Variants in SEC31A observed in about 807,000 individuals in gnomAD.
The protein encoded by SEC31A is SEC31 homolog A, COPII component.
SEC31A carries 70 observed loss-of-function variants against 151.0 expected under a neutral mutation model. The ratio of observed to expected loss-of-function variants is 0.46; its 90% CI spans 0.38 to 0.57. The LOEUF (loss-of-function observed/expected upper bound fraction) is 0.57, where lower values mean the gene tolerates loss of function less well. Ranked by LOEUF, SEC31A falls within the 20% of genes least tolerant of loss-of-function variation. The probability of loss-of-function intolerance (pLI) is 0.00; values close to 1 mark genes in which losing one functional copy is unlikely to be tolerated. For missense variants in SEC31A, 1,330 were observed against 1,471.2 expected (o/e 0.90, Z 1.57); for synonymous variants, 475 against 505.9 (o/e 0.94, Z 0.82).
At chr4:82,850,603 C>CA (rs1731263940) in intron 19 of SEC31A, among the ~76,000 whole-genome samples, 1 of 152,136 alleles carries the variant, frequency 6.6e-6, no homozygotes, top group South Asian at 2.1e-4. Context: ...CTGCAAGGCT[C>CA]AAAATCAAGC....
chr4:82,835,908 T>C (rs148208029), intron 22 of SEC31A, among the ~76,000 whole-genome samples: 32 of 152,294 alleles, frequency 2.1e-4, no homozygotes, highest in South Asian at 2.1e-3. Context: ...AGGATGGCTA[T>C]TGAAAAACAG....
intron 8 of SEC31A, among the ~76,000 whole-genome samples, chr4:82,869,116 T>C (rs1441619125): frequency 6.6e-6 from 1 of 151,780 alleles, no homozygotes; most frequent in African/African-American, 2.4e-5. Context: ...AATTCCAATT[T>C]TTATTTATTT....
intron 16 of SEC31A, among the ~76,000 whole-genome samples, chr4:82,856,518 A>C (rs112429461): frequency 6.6e-6 from 1 of 151,010 alleles, no homozygotes; most frequent in South Asian, 2.1e-4. Flanking sequence ...TGGGAGACCG[A>C]GGTGGGCGGA....
chr4:82,861,080 A>G (rs1422528098), intron 14 of SEC31A, among the ~76,000 whole-genome samples: 1 of 151,736 alleles, frequency 6.6e-6, no homozygotes, highest in African/African-American at 2.4e-5. Context: ...AAAAAAAAAA[A>G]AACACCCAGA....
chr4:82,882,010 T>C, intron 1 of SEC31A, 70 bp from the exon 2 acceptor site: 5 of 1,198,540 alleles, frequency 4.2e-6, no homozygotes, highest in Non-Finnish European at 6.2e-6. Context: ...ACAGATATTT[T>C]AAATAGAAAC....
chr4:82,872,121 A>G (rs4693059), intron 6 of SEC31A, 35 bp from the exon 7 acceptor site: 6 of 1,549,708 alleles, frequency 3.9e-6, no homozygotes, highest in Non-Finnish European at 5.3e-6. Context: ...TTATGAATCA[A>G]ATTACTTTAT....
chr4:82,841,467 T>TATATATATATATATATAC (rs1339344582), intron 22 of SEC31A, among the ~76,000 whole-genome samples: 32 of 103,562 alleles, frequency 3.1e-4, no homozygotes, highest in East Asian at 5.9e-4. Context: ...TATATATATA[T>TATATATATATATATATAC]ACACACACAC....
intron 22 of SEC31A, among the ~76,000 whole-genome samples, chr4:82,839,576 G>A (rs1235301653): frequency 6.6e-6 from 1 of 152,214 alleles, no homozygotes; most frequent in Non-Finnish European, 1.5e-5. Context: ...GTGAGCTACC[G>A]TGCCCAGCCT....
chr4:82,821,330 T>G, intron 25 of SEC31A: 1 of 454,012 alleles, frequency 2.2e-6, no homozygotes, highest in Non-Finnish European at 4.0e-6. Flanking sequence ...AGGCAAATCA[T>G]GAGGTCAGGA....
intron 7 of SEC31A, among the ~76,000 whole-genome samples, chr4:82,870,888 C>G (rs890879912): frequency 2.6e-5 from 4 of 152,112 alleles, no homozygotes; most frequent in Non-Finnish European, 5.9e-5. Context: ...CAATAAATTA[C>G]AGACCACCCT....
Position 82,842,482 on chromosome 4 carries a change from C to T in SEC31A, c.2627-1G>A, listed in dbSNP as rs1000365750. ...GGATACGGCTGGGCTGGTTGATAAGCTACACCAAGGAGAAGAAACAGAAAT... is the reference window on the plus strand; with the variant it reads ...GGATACGGCTGGGCTGGTTGATAAGTTACACCAAGGAGAAGAAACAGAAAT... On this transcript the variant is annotated splice_acceptor_variant, in intron 21 of 26. Transcript: ENST00000395310. LOFTEE classifies it high-confidence loss of function. The T allele has an allele frequency of 2.5e-6, 4 of 1,603,464 alleles. No homozygotes were observed. The highest frequency in any genetic ancestry group is 3.4e-6 in the Non-Finnish European group (4 of 1,174,480).
rs370630518 is a variant in SEC31A at position 82,827,681 on chromosome 4, T to C, written c.3028-49A>G. On this transcript the variant is annotated intron_variant, in intron 23 of 26. Coordinates refer to ENST00000395310, the MANE Select transcript of SEC31A (RefSeq NM_001077207.4). ...ACACCAGGAGTAAGAATAAAAACGA[T>C]AGCAACATTTCTTCAGCTTAAAATA... 15 of 1,578,366 alleles carry C rather than the reference T, an allele frequency of 9.5e-6. No individual in the cohort carries two copies. In the African/African-American group the frequency reaches 1.4e-4, roughly 14 times the overall value.
intron 26 of SEC31A, among the ~76,000 whole-genome samples, chr4:82,819,804 C>T (rs1722911369): frequency 1.3e-5 from 2 of 152,052 alleles, no homozygotes; most frequent in African/African-American, 4.8e-5. Flanking sequence ...CTCTGTCACC[C>T]AGGCTGGAGT....
chr4:82,819,021 T>TA lies in SEC31A; in HGVS notation c.*52dup. The TA allele has an allele frequency of 6.7e-7, 1 of 1,495,226 alleles. No homozygotes were observed. The highest frequency in any genetic ancestry group is 9.0e-7 in the Non-Finnish European group (1 of 1,110,822). The allele number at this position is 1,495,226 out of a possible 1,614,324, so 92.6% of individuals were successfully genotyped here. On this transcript the variant is annotated 3_prime_UTR_variant, in exon 27 of 27. Transcript: ENST00000395310. ...GTCCATGTCTTATAATTTTTTTTTT[T>TA]AACATGTTTCTTTGGAAAAATGGCA...
Position 82,887,388 on chromosome 4 carries a change from GAGAAAAGAAA to G in SEC31A, c.-5+3690_-5+3699del, listed in dbSNP as rs58208029. 2.9e-4 allele frequency among the ~76,000 whole-genome samples: 43 copies of G among 150,804 alleles called. 1 individual carries two copies. In the East Asian group the frequency reaches 5.6e-3, roughly 20 times the overall value. ...GTACTCAATGTTCTAAGAAAACATT[GAGAAAAGAAA>G]AGAAAAGAAAAGAAAAAAGAAAGGA... is the stretch of plus-strand genomic sequence containing the variant. On this transcript the variant is annotated intron_variant, in intron 1 of 26. Coordinates refer to ENST00000395310, the MANE Select transcript of SEC31A (RefSeq NM_001077207.4).
At chr4:82,873,265 G>C (rs1043283291) in intron 6 of SEC31A, among the ~76,000 whole-genome samples, 13 of 151,912 alleles carry the variant, frequency 8.6e-5, no homozygotes, top group African/African-American at 3.1e-4. Context: ...GGCTGAGGCA[G>C]GAGAATTGCC....
chr4:82,875,901 G>T (rs1036893837), intron 4 of SEC31A, 79 bp from the exon 5 acceptor site: 3 of 687,536 alleles, frequency 4.4e-6, no homozygotes, highest in South Asian at 2.3e-5. Context: ...GAGCTAGAAA[G>T]ATATTAGATG....
chr4:82,872,221 A>G, intron 6 of SEC31A, 135 bp from the exon 7 acceptor site: 1 of 668,726 alleles, frequency 1.5e-6, no homozygotes, highest in East Asian at 3.0e-5. Flanking sequence ...TGATCTATTT[A>G]TTGTCAGCCA....
At chr4:82,879,638 C>T (rs1442885186) in intron 3 of SEC31A, among the ~76,000 whole-genome samples, 1 of 152,168 alleles carries the variant, frequency 6.6e-6, no homozygotes, top group Non-Finnish European at 1.5e-5. Context: ...TCCCATCCCA[C>T]TGTGACAGCT....
Sources: gnomAD v4.1 joint callset for allele counts (sites outside exome capture counted in the v4.1 genomes callset) on GRCh38, gnomAD v4.1.1 for gene constraint, MANE v1.5 for transcripts, NCBI Gene and HGNC (gene_info 2026-07-23, HGNC 2026-07-21) for gene names.